The following ARHGAP18 variants were observed in gnomAD, a reference collection of about 807,000 sequenced individuals.
ARHGAP18 encodes the protein Rho GTPase activating protein 18, also known as rho GTPase-activating protein 18.
ARHGAP18 carries 67 observed loss-of-function variants against 86.2 expected under a neutral mutation model. That is an observed-to-expected ratio of 0.78 (90% CI 0.64 to 0.95). ARHGAP18 has a LOEUF of 0.95. ARHGAP18 is among the 40% of genes least tolerant of loss of function. The probability of loss-of-function intolerance (pLI) is 0.00; values close to 1 mark genes in which losing one functional copy is unlikely to be tolerated. For missense variants in ARHGAP18, 691 were observed against 780.4 expected (o/e 0.89, Z 1.37); for synonymous variants, 283 against 280.4 (o/e 1.01, Z -0.09).
At chr6:129,676,913 CTCTTTTTTTTT>C (rs1314610704) in intron 1 of ARHGAP18, among the ~76,000 whole-genome samples, 2 of 34,566 alleles carry the variant, frequency 5.8e-5, no homozygotes, top group East Asian at 7.8e-4. Flanking sequence ...ATTTTTTGTC[CTCTTTTTTTTT>C]TTTTTTTTTT....
rs1788706254 is a variant in ARHGAP18 at position 129,600,043 on chromosome 6, T to C, written c.1572+599A>G. ...CTTCAGGATCTAAATATCATCACTC[T>C]GTCTTTTTAACAAATTAATGTTTGG... is the stretch of plus-strand genomic sequence containing the variant. On this transcript the variant is annotated intron_variant, in intron 11 of 14. Transcript: ENST00000368149. Among the ~76,000 whole-genome samples the C allele has an allele frequency of 2.0e-5, 3 of 152,160 alleles. No individual in the cohort carries two copies. The South Asian group carries it at 6.2e-4, about 32-fold the overall frequency.
intron 1 of ARHGAP18, among the ~76,000 whole-genome samples, chr6:129,649,918 T>TG (rs1032885055): frequency 4.9e-4 from 74 of 150,222 alleles, no homozygotes; most frequent in Non-Finnish European, 9.5e-4. Flanking sequence ...TTTTTTGTTT[T>TG]TTTTTTTTTT....
chr6:129,667,224 C>G (rs1774057384), intron 1 of ARHGAP18, among the ~76,000 whole-genome samples: 1 of 151,540 alleles, frequency 6.6e-6, no homozygotes, highest in Admixed American at 6.6e-5. Flanking sequence ...GAATAATATC[C>G]CCATCTTGTG....
chr6:129,649,909 T>G (rs895921158), intron 1 of ARHGAP18, among the ~76,000 whole-genome samples: 4 of 131,670 alleles, frequency 3.0e-5, no homozygotes, highest in Admixed American at 7.6e-5. Context: ...GTCTTCTTTT[T>G]TTTTGTTTTT....
At chr6:129,602,987 T>TTATATATATATATATATATA (rs34563210) in intron 10 of ARHGAP18, among the ~76,000 whole-genome samples, 5 of 146,784 alleles carry the variant, frequency 3.4e-5, no homozygotes, top group Admixed American at 6.8e-5. Context: ...AATTTCCCCT[T>TTATATATATATATATATATA]TATATATATA....
Position 129,696,705 on chromosome 6 carries a change from C to A in ARHGAP18, c.113+13319G>T, listed in dbSNP as rs1373427775. Among the ~76,000 whole-genome samples, 3 of 144,822 alleles carry A rather than the reference C, an allele frequency of 2.1e-5. No homozygotes were observed. In the Admixed American group the frequency reaches 2.1e-4, roughly 10 times the overall value. ...AGATTATCCAATATAAAGTTACCAA[C>A]AAAGCAAGGCTAAGAGATAAATGCA... On this transcript the variant is annotated intron_variant, in intron 1 of 14. Coordinates refer to ENST00000368149, the MANE Select transcript of ARHGAP18 (RefSeq NM_033515.3).
intron 1 of ARHGAP18, among the ~76,000 whole-genome samples, chr6:129,699,999 G>T (rs1379688162): frequency 6.6e-6 from 1 of 152,182 alleles, no homozygotes; most frequent in Non-Finnish European, 1.5e-5. Context: ...TGTACTAAAT[G>T]GGAAGGAGAT....
chr6:129,636,661 G>A (rs547769435), intron 3 of ARHGAP18, among the ~76,000 whole-genome samples: 13 of 152,310 alleles, frequency 8.5e-5, no homozygotes, highest in Non-Finnish European at 1.8e-4. Flanking sequence ...CAGATCACCT[G>A]AGATCAGGAG....
intron 1 of ARHGAP18, among the ~76,000 whole-genome samples, chr6:129,706,323 A>G (rs1292520883): frequency 6.6e-6 from 1 of 152,256 alleles, no homozygotes; most frequent in Non-Finnish European, 1.5e-5. Context: ...CTTTGGAAAC[A>G]TTCAACTGTG....
intron 4 of ARHGAP18, among the ~76,000 whole-genome samples, chr6:129,632,018 G>C (rs1773229662): frequency 6.6e-6 from 1 of 152,126 alleles, no homozygotes; most frequent in African/African-American, 2.4e-5. Flanking sequence ...ATCATTGGCG[G>C]AACATGTTTA....
intron 1 of ARHGAP18, chr6:129,661,727 G>T: frequency 3.8e-6 from 1 of 265,172 alleles, no homozygotes; most frequent in Non-Finnish European, 5.8e-6. Context: ...TTGGCAGCAA[G>T]GTGAGATTCA....
intron 14 of ARHGAP18, 65 bp downstream of exon 14, chr6:129,580,005 T>C: frequency 7.4e-7 from 1 of 1,347,100 alleles, no homozygotes; most frequent in South Asian, 1.2e-5. Context: ...TCCAAAGACA[T>C]AAATAATAAC....
rs951192382 is a variant in ARHGAP18 at position 129,577,089 on chromosome 6, A to T, written c.*1424T>A. ...TAGGATTAAAAGTAATGATTCCAAG[A>T]GAAGATAATTTAGAAAAAGGCATTT... On this transcript the variant is annotated 3_prime_UTR_variant, in exon 15 of 15. Coordinates refer to ENST00000368149, the MANE Select transcript of ARHGAP18 (RefSeq NM_033515.3). The T allele has an allele frequency of 1.3e-5, 2 of 152,194 alleles. No homozygotes were observed. The highest frequency in any genetic ancestry group is 2.4e-5 in the African/African-American group (1 of 41,462). The allele number at this position is 152,194 out of a possible 1,614,324, so 9.4% of individuals were successfully genotyped here.
chr6:129,594,311 A>T (rs971490938), intron 12 of ARHGAP18, among the ~76,000 whole-genome samples: 1 of 152,142 alleles, frequency 6.6e-6, no homozygotes, highest in Non-Finnish European at 1.5e-5. Context: ...ACTACTAACC[A>T]AGCTCTTTTT....
rs748815369 is a variant in ARHGAP18 at position 129,710,012 on chromosome 6, C to T, written c.113+12G>A. ...GAGGGTTTTGTTTTGTTTTCAGCTT[C>T]CGAAGGCTTACCTCGAGGTGGCTTC... On this transcript the variant is annotated intron_variant, in intron 1 of 14. Transcript: ENST00000368149. 3.1e-6 allele frequency: 5 copies of T among 1,608,756 alleles called. No homozygotes were observed. In the South Asian group the frequency reaches 4.4e-5, roughly 14 times the overall value.
chr6:129,593,963 T>G (rs1210615743), intron 12 of ARHGAP18, among the ~76,000 whole-genome samples: 1 of 152,136 alleles, frequency 6.6e-6, no homozygotes, highest in Non-Finnish European at 1.5e-5. Flanking sequence ...TATAAACGGT[T>G]AGTTTTAATA....
At chr6:129,613,542 G>A (rs997489481) in intron 7 of ARHGAP18, among the ~76,000 whole-genome samples, 2 of 152,162 alleles carry the variant, frequency 1.3e-5, no homozygotes, top group African/African-American at 4.8e-5. Context: ...CTTTCATTAA[G>A]TACACAGGAA....
intron 2 of ARHGAP18, among the ~76,000 whole-genome samples, chr6:129,640,558 G>A (rs1773434238): frequency 6.6e-6 from 1 of 152,106 alleles, no homozygotes; most frequent in African/African-American, 2.4e-5. Flanking sequence ...TAAAGAATAA[G>A]TTAACCGTAG....
intron 5 of ARHGAP18, among the ~76,000 whole-genome samples, chr6:129,624,147 C>T (rs182205058): frequency 1.3e-5 from 2 of 152,240 alleles, no homozygotes; most frequent in Admixed American, 6.5e-5. Flanking sequence ...AACTTAAAAG[C>T]CAACAATGAC....
Sources: allele counts gnomAD v4.1 joint callset (sites outside exome capture counted in the v4.1 genomes callset), GRCh38; gene constraint gnomAD v4.1.1; transcripts MANE v1.5; gene names NCBI Gene and HGNC (gene_info 2026-07-23, HGNC 2026-07-21).